The following HOMER1 variants were observed in gnomAD, a reference collection of about 807,000 sequenced individuals.
HOMER1 encodes homer protein homolog 1.
HOMER1 carries 3 observed loss-of-function variants against 48.9 expected under a neutral mutation model. The observed-to-expected ratio is 0.06, with a 90% CI of 0.03 to 0.16. The LOEUF (loss-of-function observed/expected upper bound fraction) is 0.16. Ranked by LOEUF, HOMER1 falls within the 10% of genes least tolerant of loss-of-function variation. The pLI, the probability that HOMER1 is intolerant of heterozygous loss-of-function variation, is 1.00. For synonymous variants in HOMER1, 134 were observed against 146.4 expected (o/e 0.92, Z 0.61); for missense variants, 247 against 411.4 (o/e 0.60, Z 3.46).
At chr5:79,449,676 T>C (rs933937404) in intron 3 of HOMER1, among the ~76,000 whole-genome samples, 1 of 152,160 alleles carries the variant, frequency 6.6e-6, no homozygotes, top group Admixed American at 6.5e-5. Context: ...GGTTTTGCCA[T>C]GTTGACTAGG....
At chr5:79,380,661 T>A (rs1413074306) in intron 8 of HOMER1, among the ~76,000 whole-genome samples, 1 of 152,136 alleles carries the variant, frequency 6.6e-6, no homozygotes, top group East Asian at 1.9e-4. Flanking sequence ...TCAGGGGGCC[T>A]GAAAACTAGC....
chr5:79,458,520 G>A (rs1445474475), intron 1 of HOMER1, among the ~76,000 whole-genome samples: 1 of 151,932 alleles, frequency 6.6e-6, no homozygotes, highest in Non-Finnish European at 1.5e-5. Context: ...CTGAGTCCAC[G>A]GCAAAATGGC....
At chr5:79,405,357 C>A (rs1749637403) in intron 5 of HOMER1, among the ~76,000 whole-genome samples, 1 of 152,274 alleles carries the variant, frequency 6.6e-6, no homozygotes, top group South Asian at 2.1e-4. Flanking sequence ...TTAAGCCATG[C>A]AGTCTACAGC....
intron 1 of HOMER1, among the ~76,000 whole-genome samples, chr5:79,469,019 CAG>C (rs1410759293): frequency 1.3e-5 from 2 of 152,160 alleles, no homozygotes; most frequent in African/African-American, 4.8e-5. Context: ...GTGAAAAAGA[CAG>C]AATCTAAAAT....
rs143873126 is a variant in HOMER1, at chr5:79,444,591, A to G, written c.387+2462T>C. ...GGCTTAAAGTCATTCCTTCCACCAAAGAGGAACAAGGTGTTAGCAGCAACT... is the reference window on the plus strand; with the variant it reads ...GGCTTAAAGTCATTCCTTCCACCAAGGAGGAACAAGGTGTTAGCAGCAACT... On this transcript the variant is annotated intron_variant, in intron 4 of 8. Transcript: ENST00000334082. Among the ~76,000 whole-genome samples, 951 of 152,300 alleles carry G rather than the reference A, an allele frequency of 6.2e-3. 7 individuals are homozygous for G. The highest frequency in any genetic ancestry group is 0.021 in the African/African-American group (889 of 41,568).
chr5:79,485,770 T>C (rs750052337), intron 1 of HOMER1, among the ~76,000 whole-genome samples: 11 of 152,152 alleles, frequency 7.2e-5, no homozygotes, highest in Non-Finnish European at 1.2e-4. Context: ...TGACAGATGA[T>C]AGTGTTTCAG....
intron 7 of HOMER1, 86 bp downstream of exon 7, chr5:79,397,441 T>C: frequency 1.1e-6 from 1 of 889,888 alleles, no homozygotes; most frequent in Non-Finnish European, 1.8e-6. Context: ...CTTTATTCCA[T>C]AAAATACTTT....
At chr5:79,403,768 G>A (rs180850894) in intron 5 of HOMER1, among the ~76,000 whole-genome samples, 1 of 152,262 alleles carries the variant, frequency 6.6e-6, no homozygotes, top group African/African-American at 2.4e-5. Flanking sequence ...TGTGTGAAGT[G>A]TATACGGGCA....
At chr5:79,379,121 A>T (rs1409409629) in intron 8 of HOMER1, among the ~76,000 whole-genome samples, 1 of 96,976 alleles carries the variant, frequency 1.0e-5, no homozygotes, top group African/African-American at 4.7e-5. Context: ...TATAAAATAT[A>T]TAAATATTTA....
At chr5:79,391,650 G>A (rs1182764367) in intron 8 of HOMER1, among the ~76,000 whole-genome samples, 1 of 151,700 alleles carries the variant, frequency 6.6e-6, no homozygotes, top group Non-Finnish European at 1.5e-5. Flanking sequence ...GGAGGCTGAG[G>A]CAGAATAGCT....
intron 5 of HOMER1, among the ~76,000 whole-genome samples, chr5:79,415,211 G>C (rs552121066): frequency 3.9e-4 from 59 of 151,486 alleles, no homozygotes; most frequent in Non-Finnish European, 7.4e-4. Context: ...GTGCCACCAC[G>C]CCTGGCTATT....
rs750811474 is a variant in HOMER1, at chr5:79,374,106, G to A, written c.*1903C>T. 6.6e-6 allele frequency: 1 copy of A among 152,072 alleles called. No individual in the cohort carries two copies. The highest frequency in any genetic ancestry group is 1.5e-5 in the Non-Finnish European group (1 of 67,788). The allele number at this position is 152,072 out of a possible 1,614,324, so 9.4% of individuals were successfully genotyped here. A position where few individuals can be genotyped will look rare whatever the true frequency, so the allele number is the denominator to read the frequency against. ...AAATCTCCTATTTAAATTAAAACTTGGTGCTCTTTGTTACTCAGAAACTGA... is the reference window on the plus strand; with the variant it reads ...AAATCTCCTATTTAAATTAAAACTTAGTGCTCTTTGTTACTCAGAAACTGA... On this transcript the variant is annotated 3_prime_UTR_variant, in exon 9 of 9. Transcript: ENST00000334082.
At chr5:79,502,801 G>T (rs541534423) in intron 1 of HOMER1, among the ~76,000 whole-genome samples, 8 of 152,166 alleles carry the variant, frequency 5.3e-5, no homozygotes, top group South Asian at 4.2e-4. Flanking sequence ...TAACTTTTTT[G>T]TGTGTGTGTG....
At chr5:79,387,069 T>TTCTCTCTC (rs766145471) in intron 8 of HOMER1, among the ~76,000 whole-genome samples, 3,242 of 132,218 alleles carry the variant, frequency 0.025, 96 homozygotes, top group East Asian at 0.07. Context: ...TTTCCTTTCT[T>TTCTCTCTC]TCTCTATCTC....
intron 1 of HOMER1, among the ~76,000 whole-genome samples, chr5:79,473,796 C>G (rs1321567047): frequency 6.6e-6 from 1 of 152,092 alleles, no homozygotes; most frequent in Admixed American, 6.5e-5. Flanking sequence ...TGCAGCAATT[C>G]CACATCATGG....
chr5:79,396,295 A>AAAT lies in HOMER1; in HGVS notation c.876+525_876+527dup, dbSNP rs773249913. On this transcript the variant is annotated intron_variant, in intron 8 of 8. Coordinates refer to ENST00000334082, the MANE Select transcript of HOMER1 (RefSeq NM_004272.5). ...ATAATTCATACATTAGTACATTGTA[A>AAAT]AATAATAATAATAATAATAATAATG... 7.5e-4 allele frequency among the ~76,000 whole-genome samples: 110 copies of AAAT among 147,524 alleles called. 1 individual carries two copies. The highest frequency in any genetic ancestry group is 1.0e-3 in the South Asian group (5 of 4,762).
intron 1 of HOMER1, among the ~76,000 whole-genome samples, chr5:79,487,796 G>C (rs1010966404): frequency 2.6e-5 from 4 of 152,170 alleles, no homozygotes; most frequent in African/African-American, 9.7e-5. Context: ...TGATTTTTCT[G>C]ATATGATAAT....
intron 8 of HOMER1, among the ~76,000 whole-genome samples, chr5:79,381,562 G>C (rs1561341688): frequency 1.3e-5 from 2 of 152,122 alleles, no homozygotes; most frequent in Non-Finnish European, 2.9e-5. Context: ...TTCTAAAGAA[G>C]CTTAGTGAGA....
intron 1 of HOMER1, among the ~76,000 whole-genome samples, chr5:79,460,848 T>G (rs995798997): frequency 5.9e-5 from 9 of 152,204 alleles, no homozygotes; most frequent in African/African-American, 2.2e-4. Context: ...GAACTCCTGA[T>G]GTATAAGACA....
Sources: gnomAD v4.1 joint callset for allele counts (sites outside exome capture counted in the v4.1 genomes callset) on GRCh38, gnomAD v4.1.1 for gene constraint, MANE v1.5 for transcripts, NCBI Gene and HGNC (gene_info 2026-07-23, HGNC 2026-07-21) for gene names.